The following MUSK variants were observed in gnomAD, a reference collection of about 807,000 sequenced individuals.
MUSK encodes muscle, skeletal receptor tyrosine-protein kinase.
In MUSK, 55 loss-of-function variants were observed where a neutral mutation model predicts 88.7. The ratio of observed to expected loss-of-function variants is 0.62; its 90% confidence interval spans 0.50 to 0.78. The LOEUF is 0.78. Ranked by LOEUF, MUSK falls within the 30% of genes least tolerant of loss-of-function variation. The pLI is 0.00. For missense variants in MUSK, 1,015 were observed against 1,074.3 expected (o/e 0.94, Z 0.77); for synonymous variants, 387 against 391.9 (o/e 0.99, Z 0.15).
At chr9:110,676,503 A>G (rs896003507) in intron 1 of MUSK, among the ~76,000 whole-genome samples, 8 of 151,944 alleles carry the variant, frequency 5.3e-5, no homozygotes, top group African/African-American at 1.9e-4. Flanking sequence ...TCACCTAAAT[A>G]ACTGGGCTCA....
intron 7 of MUSK, among the ~76,000 whole-genome samples, chr9:110,752,770 A>G (rs990553248): frequency 3.9e-5 from 6 of 152,252 alleles, no homozygotes; most frequent in Admixed American, 3.9e-4. Context: ...AACAAAAAAT[A>G]AAGATCAGGC....
chr9:110,761,573 T>C (rs1168006247), intron 7 of MUSK, among the ~76,000 whole-genome samples: 7 of 126,820 alleles, frequency 5.5e-5, no homozygotes, highest in Admixed American at 5.0e-4. Flanking sequence ...CTTGCTTTTT[T>C]TTTTTTTTTT....
At chr9:110,740,859 G>A (rs988709522) in intron 6 of MUSK, among the ~76,000 whole-genome samples, 3 of 152,098 alleles carry the variant, frequency 2.0e-5, no homozygotes, top group Admixed American at 1.3e-4. Flanking sequence ...GGATAACCTC[G>A]AGAACATTAT....
At chr9:110,739,192 A>G (rs2077066006) in intron 6 of MUSK, among the ~76,000 whole-genome samples, 1 of 152,194 alleles carries the variant, frequency 6.6e-6, no homozygotes, top group African/African-American at 2.4e-5. Context: ...CTGATGATTC[A>G]TGAGAAGGAC....
intron 11 of MUSK, among the ~76,000 whole-genome samples, chr9:110,776,992 C>G (rs1422531825): frequency 6.6e-6 from 1 of 152,100 alleles, no homozygotes; most frequent in Non-Finnish European, 1.5e-5. Flanking sequence ...TCAGTATAAT[C>G]TAATTATGTA....
intron 5 of MUSK, among the ~76,000 whole-genome samples, chr9:110,721,434 T>G (rs1197709554): frequency 6.6e-6 from 1 of 152,168 alleles, no homozygotes; most frequent in Non-Finnish European, 1.5e-5. Flanking sequence ...GTAGTTCTCC[T>G]ATACAGCAAC....
chr9:110,682,907 A>C, intron 2 of MUSK, 107 bp downstream of exon 2: 1 of 732,700 alleles, frequency 1.4e-6, no homozygotes, highest in Non-Finnish European at 2.1e-6. Flanking sequence ...ACAGGCATGC[A>C]ATGTAAAATA....
chr9:110,698,445 GA>G (rs1320029601), intron 5 of MUSK, among the ~76,000 whole-genome samples: 1 of 152,154 alleles, frequency 6.6e-6, no homozygotes, highest in African/African-American at 2.4e-5. Flanking sequence ...GAAAAGACTT[GA>G]AGAGTTCTCC....
intron 5 of MUSK, chr9:110,728,332 A>G (rs1587962274): frequency 4.5e-6 from 1 of 221,374 alleles, no homozygotes; most frequent in East Asian, 1.3e-4. Flanking sequence ...GGGGAACGCA[A>G]TGTATGAGAA....
rs111837461 is a variant in MUSK, at chr9:110,801,141, G to A, written c.*153G>A. 9,567 of 619,724 alleles carry A rather than the reference G, an allele frequency of 0.015. 772 individuals carry two copies. In the African/African-American group the frequency reaches 0.16, roughly 10 times the overall value. 38.4% of individuals were successfully genotyped at this position (619,724 alleles called of 1,614,324 possible). On this transcript the variant is annotated 3_prime_UTR_variant, in exon 15 of 15. Transcript: ENST00000374448. ...TTGCTTCCCAGGGAGAGCAAAGACA[G>A]TGCAAAACCCATGTGGTAGACGGAC...
chr9:110,753,458 AAAGAGAG>A lies in MUSK; in HGVS notation c.913+5660_913+5666del, dbSNP rs796778107. ...TCATCTCAAAAAGGAAAAAAAAAAA[AAAGAGAG>A]AGAGAGAGAGAGAGAAATAAAATAC... is the stretch of plus-strand genomic sequence containing the variant. On this transcript the variant is annotated intron_variant, in intron 7 of 14. Transcript: ENST00000374448. Among the ~76,000 whole-genome samples the A allele has an allele frequency of 7.1e-3, 1,058 of 149,596 alleles. 7 individuals carry two copies. Among genetic ancestry groups the A allele is most frequent in the African/African-American group, 0.025 (1,013 of 40,420 alleles).
At chr9:110,730,929 G>C (rs2076954912) in intron 5 of MUSK, among the ~76,000 whole-genome samples, 1 of 151,924 alleles carries the variant, frequency 6.6e-6, no homozygotes, top group South Asian at 2.1e-4. Context: ...TTAGTTGTAG[G>C]ATGAAGAAGC....
Position 110,708,106 on chromosome 9 carries a change from A to G in MUSK, c.628+10640A>G, listed in dbSNP as rs1002558123. Among the ~76,000 whole-genome samples the G allele has an allele frequency of 2.5e-4, 38 of 150,674 alleles. No individual in the cohort carries two copies. In the East Asian group the frequency reaches 7.0e-3, roughly 28 times the overall value. ...ATAAATAATTCCTATCTATCTATCTATCTATCTATCTATCTATCTATCTAT... is the reference window on the plus strand; with the variant it reads ...ATAAATAATTCCTATCTATCTATCTGTCTATCTATCTATCTATCTATCTAT... On this transcript the variant is annotated intron_variant, in intron 5 of 14. Transcript: ENST00000374448.
chr9:110,682,840 G>T (rs745464750), intron 2 of MUSK, 40 bp downstream of exon 2: 4 of 1,458,102 alleles, frequency 2.7e-6, no homozygotes, highest in South Asian at 1.2e-5. Flanking sequence ...ATTTTTGTGG[G>T]TATATAGTAG....
chr9:110,670,230 A>G (rs1474944867), intron 1 of MUSK, among the ~76,000 whole-genome samples: 1 of 152,182 alleles, frequency 6.6e-6, no homozygotes, highest in Non-Finnish European at 1.5e-5. Flanking sequence ...GAGACTCTAG[A>G]TCTTTTCAAA....
At chr9:110,694,407 CAAA>C (rs1206302969) in intron 3 of MUSK, among the ~76,000 whole-genome samples, 2 of 105,314 alleles carry the variant, frequency 1.9e-5, no homozygotes, top group Non-Finnish European at 3.9e-5. Context: ...AAAAAAAAAA[CAAA>C]AAAACAAAAC....
intron 5 of MUSK, among the ~76,000 whole-genome samples, chr9:110,731,738 A>C (rs886775994): frequency 1.3e-5 from 2 of 152,104 alleles, no homozygotes; most frequent in Admixed American, 6.6e-5. Flanking sequence ...AGCCCCCAGA[A>C]AGTTCCCATG....
intron 6 of MUSK, among the ~76,000 whole-genome samples, chr9:110,737,087 G>A (rs1194529416): frequency 1.3e-5 from 2 of 151,784 alleles, no homozygotes; most frequent in African/African-American, 4.8e-5. Context: ...ACTCTCTAAG[G>A]GTAAATAAGA....
At chr9:110,720,387 T>A (rs1379095430) in intron 5 of MUSK, among the ~76,000 whole-genome samples, 1 of 151,914 alleles carries the variant, frequency 6.6e-6, no homozygotes, top group Non-Finnish European at 1.5e-5. Context: ...CAAATAAGCT[T>A]TATTAGAAAT....
Sources: gnomAD v4.1 joint callset for allele counts (sites outside exome capture counted in the v4.1 genomes callset) on GRCh38, gnomAD v4.1.1 for gene constraint, MANE v1.5 for transcripts, NCBI Gene and HGNC (gene_info 2026-07-23, HGNC 2026-07-21) for gene names.